PCDH15: variants seen among roughly 807,000 people sequenced by gnomAD.
PCDH15 encodes the protein protocadherin related 15.
Under a neutral mutation model 178.5 loss-of-function variants are expected in PCDH15, and 129 were observed. The ratio of observed to expected loss-of-function variants is 0.72; its 90% CI spans 0.63 to 0.84. PCDH15 has a LOEUF of 0.84. Ranked by LOEUF, PCDH15 falls within the 40% of genes least tolerant of loss-of-function variation. PCDH15 has a pLI of 0.00. For synonymous variants in PCDH15, 800 were observed against 732.0 expected (o/e 1.09, Z -1.50); for missense variants, 2,230 against 2,099.9 (o/e 1.06, Z -1.21).
At chr10:54,279,935 G>A (rs1223001930) in intron 8 of PCDH15, among the ~76,000 whole-genome samples, 2 of 151,622 alleles carry the variant, frequency 1.3e-5, no homozygotes, top group East Asian at 3.9e-4. Context: ...CCTAGAAATC[G>A]TTAGCTCATC....
chr10:55,220,314 T>C (rs1011266260), intron 1 of PCDH15, among the ~76,000 whole-genome samples: 1 of 152,062 alleles, frequency 6.6e-6, no homozygotes, highest in South Asian at 2.1e-4. Context: ...GCTCTTTTTT[T>C]AAAACACATT....
intron 2 of PCDH15, among the ~76,000 whole-genome samples, chr10:55,438,938 A>C (rs1839112432): frequency 6.6e-6 from 1 of 151,644 alleles, no homozygotes. Flanking sequence ...TCCCACTGTC[A>C]CCCAGGCTGG....
intron 32 of PCDH15, chr10:53,823,403 A>T (rs2076445460): frequency 1.9e-6 from 3 of 1,548,990 alleles, no homozygotes; most frequent in Non-Finnish European, 2.7e-6. Flanking sequence ...ACAAGTTGTG[A>T]CACAGCTTTC....
At chr10:54,462,841 C>T (rs2077282432) in intron 3 of PCDH15, among the ~76,000 whole-genome samples, 1 of 151,426 alleles carries the variant, frequency 6.6e-6, no homozygotes, top group African/African-American at 2.4e-5. Context: ...ATTTGTTAAT[C>T]TTGATCTTGT....
chr10:54,255,378 C>G (rs2056818148), intron 8 of PCDH15, among the ~76,000 whole-genome samples: 1 of 152,112 alleles, frequency 6.6e-6, no homozygotes, highest in South Asian at 2.1e-4. Flanking sequence ...CTGACCAGTT[C>G]TCTTCACTTA....
intron 3 of PCDH15, among the ~76,000 whole-genome samples, chr10:54,891,157 G>A (rs1954453903): frequency 6.6e-6 from 1 of 151,998 alleles, no homozygotes; most frequent in African/African-American, 2.4e-5. Context: ...CTGAAAATTA[G>A]GAGTTTTTTC....
intron 2 of PCDH15, among the ~76,000 whole-genome samples, chr10:55,369,994 C>A (rs751507070): frequency 1.4e-5 from 2 of 147,928 alleles, no homozygotes; most frequent in Admixed American, 6.7e-5. Flanking sequence ...AATTATATAA[C>A]CTAAATTTTA....
intron 3 of PCDH15, among the ~76,000 whole-genome samples, chr10:54,807,323 C>G (rs1032169590): frequency 2.0e-5 from 3 of 152,100 alleles, no homozygotes; most frequent in African/African-American, 7.2e-5. Context: ...ATATGAGCCC[C>G]ATCAAACTAC....
At chr10:54,818,520 T>C (rs1271255778) in intron 3 of PCDH15, among the ~76,000 whole-genome samples, 6 of 152,062 alleles carry the variant, frequency 3.9e-5, no homozygotes, top group Non-Finnish European at 8.8e-5. Flanking sequence ...GTAAAGGCCA[T>C]ATATCTTCCA....
At chr10:55,375,495 G>A (rs1358348341) in intron 2 of PCDH15, among the ~76,000 whole-genome samples, 1 of 152,000 alleles carries the variant, frequency 6.6e-6, no homozygotes, top group Admixed American at 6.6e-5. Flanking sequence ...CACAATTTCT[G>A]TATCAGAATA....
At chr10:53,888,355 T>TATAC (rs1554845340) in intron 26 of PCDH15, among the ~76,000 whole-genome samples, 1 of 68,080 alleles carries the variant, frequency 1.5e-5, no homozygotes, top group Admixed American at 2.2e-4. Flanking sequence ...TATACGTATA[T>TATAC]ATACATATAT....
intron 3 of PCDH15, among the ~76,000 whole-genome samples, chr10:54,424,745 A>G (rs1203737015): frequency 4.6e-5 from 7 of 151,820 alleles, no homozygotes; most frequent in Non-Finnish European, 1.0e-4. Flanking sequence ...CATTCTGAGC[A>G]AACTATCACA....
intron 3 of PCDH15, among the ~76,000 whole-genome samples, chr10:54,514,048 ATTC>A (rs1363385984): frequency 6.6e-6 from 1 of 152,160 alleles, no homozygotes; most frequent in Non-Finnish European, 1.5e-5. Flanking sequence ...TATATAGGGA[ATTC>A]TTCTTGTTTT....
intron 3 of PCDH15, among the ~76,000 whole-genome samples, chr10:54,511,603 C>G (rs1041989719): frequency 6.6e-6 from 1 of 152,096 alleles, no homozygotes; most frequent in Admixed American, 6.6e-5. Flanking sequence ...CATACGGTCA[C>G]TTTATGGATA....
At chr10:54,465,564 G>A (rs2077463031) in intron 3 of PCDH15, among the ~76,000 whole-genome samples, 1 of 151,970 alleles carries the variant, frequency 6.6e-6, no homozygotes, top group Non-Finnish European at 1.5e-5. Context: ...GCTGCAACTA[G>A]TGTTATTTCA....
At chr10:55,493,252 T>C (rs1318815112) in intron 2 of PCDH15, among the ~76,000 whole-genome samples, 1 of 151,262 alleles carries the variant, frequency 6.6e-6, no homozygotes, top group Admixed American at 6.6e-5. Context: ...TAAAGTCATA[T>C]TGTTAAAAAA....
At chr10:54,013,993 TTAGA>T (rs954969163) in intron 20 of PCDH15, among the ~76,000 whole-genome samples, 29 of 151,900 alleles carry the variant, frequency 1.9e-4, no homozygotes, top group East Asian at 1.7e-3. Context: ...AAAGAATTAA[TTAGA>T]TAGATGGATG....
At chr10:55,069,554 T>G (rs1469283813) in intron 2 of PCDH15, among the ~76,000 whole-genome samples, 2 of 143,126 alleles carry the variant, frequency 1.4e-5, no homozygotes, top group Admixed American at 7.1e-5. Context: ...TGCGATAGTT[T>G]ACTGAGAATG....
At position 54,288,993 on chromosome 10, in the gene PCDH15, C is replaced by T. The variant is rs557847346; in HGVS notation, c.876+28278G>A. On this transcript the variant is annotated intron_variant, in intron 8 of 37. Transcript: ENST00000644397. ...TGCAGACTTAAAAATCCCTGTCTGACGCTCTGAAGAGAGCAGTTGTTCTCC... is the reference window on the plus strand; with the variant it reads ...TGCAGACTTAAAAATCCCTGTCTGATGCTCTGAAGAGAGCAGTTGTTCTCC... 6.8e-4 allele frequency among the ~76,000 whole-genome samples: 104 copies of T among 152,350 alleles called. 1 individual carries two copies. The highest frequency in any genetic ancestry group is 2.1e-3 in the African/African-American group (86 of 41,592).
Sources: gnomAD v4.1 joint callset for allele counts (sites outside exome capture counted in the v4.1 genomes callset) on GRCh38, gnomAD v4.1.1 for gene constraint, MANE v1.5 for transcripts, NCBI Gene and HGNC (gene_info 2026-07-23, HGNC 2026-07-21) for gene names.